The following WDR43 variants were observed in gnomAD, a reference collection of about 807,000 sequenced individuals.
WDR43 encodes the protein WD repeat domain 43, also known as WD repeat-containing protein 43.
Under a neutral mutation model 91.4 loss-of-function variants are expected in WDR43, and 13 were observed. That is an observed-to-expected ratio of 0.14 (90% confidence interval 0.09 to 0.23). WDR43 has a LOEUF of 0.23. WDR43 is among the 10% of genes least tolerant of loss of function. The pLI is 1.00. For synonymous variants in WDR43, 331 were observed against 287.9 expected (o/e 1.15, Z -1.51); for missense variants, 780 against 809.4 (o/e 0.96, Z 0.44).
At chr2:28,910,188 G>C (rs1411310395) in intron 3 of WDR43, among the ~76,000 whole-genome samples, 1 of 152,168 alleles carries the variant, frequency 6.6e-6, no homozygotes, top group Non-Finnish European at 1.5e-5. Context: ...GAGGGATTAG[G>C]GTGTGGGGAG....
intron 7 of WDR43, among the ~76,000 whole-genome samples, chr2:28,923,646 G>A (rs1256370987): frequency 6.6e-6 from 1 of 152,156 alleles, no homozygotes; most frequent in Non-Finnish European, 1.5e-5. Context: ...TGAAAAAAGT[G>A]TATACTCATT....
intron 16 of WDR43, among the ~76,000 whole-genome samples, chr2:28,944,199 TTAG>T (rs1218164141): frequency 6.6e-6 from 1 of 152,236 alleles, no homozygotes; most frequent in Non-Finnish European, 1.5e-5. Context: ...GCCATTCTAC[TTAG>T]TAGAATTTGT....
At chr2:28,932,712 ACTGT>A (rs1345794225) in intron 11 of WDR43, among the ~76,000 whole-genome samples, 1 of 152,200 alleles carries the variant, frequency 6.6e-6, no homozygotes, top group Non-Finnish European at 1.5e-5. Context: ...AGAGGTTAAT[ACTGT>A]CTGTCATAGA....
chr2:28,902,778 T>C (rs1216010138), intron 2 of WDR43, among the ~76,000 whole-genome samples: 1 of 152,152 alleles, frequency 6.6e-6, no homozygotes, highest in Non-Finnish European at 1.5e-5. Context: ...AGCTGGGAAA[T>C]CAGAAATCAG....
In WDR43 at chr2:28,947,864, GTTTTTTTTTTTT is replaced by G. The variant is rs11351588; in HGVS notation, c.*1099_*1110del. The G allele has an allele frequency of 5.0e-5, 5 of 99,600 alleles. No homozygotes were observed. The highest frequency in any genetic ancestry group is 2.0e-4 in the African/African-American group (5 of 25,208). The allele number at this position is 99,600 out of a possible 1,614,324, so 6.2% of individuals were successfully genotyped here. On this transcript the variant is annotated 3_prime_UTR_variant, in exon 18 of 18. Transcript: ENST00000407426. ...AAGCCTTTGCAAATTATCAGTAGTAGTTTTTTTTTTTTTTTTTTTTTTTTTAAAGAATGAGCC... is the reference window on the plus strand; with the variant it reads ...AAGCCTTTGCAAATTATCAGTAGTAGTTTTTTTTTTTTTAAAGAATGAGCC...
At chr2:28,898,160 A>G (rs1670515102) in intron 1 of WDR43, among the ~76,000 whole-genome samples, 1 of 152,220 alleles carries the variant, frequency 6.6e-6, no homozygotes, top group Admixed American at 6.5e-5. Context: ...CTTCTCTAAC[A>G]GACCTTGTCT....
intron 11 of WDR43, among the ~76,000 whole-genome samples, chr2:28,932,841 G>C (rs577683712): frequency 6.6e-6 from 1 of 152,168 alleles, no homozygotes; most frequent in East Asian, 1.9e-4. Context: ...ATCCATAGGG[G>C]ATATTTTTAA....
chr2:28,946,545 T>C, intron 17 of WDR43, 46 bp downstream of exon 17: 1 of 1,593,892 alleles, frequency 6.3e-7, no homozygotes, highest in Non-Finnish European at 8.6e-7. Context: ...TATATCCTCA[T>C]ACTCTGTAAG....
chr2:28,937,359 C>G (rs1049159538), intron 13 of WDR43, among the ~76,000 whole-genome samples: 4 of 151,870 alleles, frequency 2.6e-5, no homozygotes, highest in African/African-American at 9.7e-5. Context: ...TCTTAAAGAT[C>G]CTAAGCTTAT....
intron 9 of WDR43, chr2:28,927,349 C>A: frequency 1.8e-6 from 1 of 560,392 alleles, no homozygotes. Context: ...TCGGATTTTA[C>A]TCTTATGTGG....
chr2:28,913,830 G>C, intron 4 of WDR43: 1 of 663,490 alleles, frequency 1.5e-6, no homozygotes, highest in South Asian at 1.5e-5. Flanking sequence ...GGAGTGGTAG[G>C]GTCATGGGAG....
chr2:28,916,624 C>T (rs979845057), intron 5 of WDR43, among the ~76,000 whole-genome samples: 3 of 152,130 alleles, frequency 2.0e-5, no homozygotes, highest in African/African-American at 7.2e-5. Flanking sequence ...AACACCTACA[C>T]ACACCCACAC....
intron 3 of WDR43, among the ~76,000 whole-genome samples, chr2:28,911,039 C>G (rs34588907): frequency 0.15 from 22,497 of 150,680 alleles, 2,279 homozygotes; most frequent in Non-Finnish European, 0.22. Flanking sequence ...ATTTGTGGAG[C>G]AGAAGTTTTA....
chr2:28,924,496 C>T (rs371083283), intron 7 of WDR43, among the ~76,000 whole-genome samples: 1 of 152,012 alleles, frequency 6.6e-6, no homozygotes, highest in Non-Finnish European at 1.5e-5. Flanking sequence ...AAAACAGGTA[C>T]AAGTTGGGAG....
intron 14 of WDR43, among the ~76,000 whole-genome samples, chr2:28,940,657 A>G (rs561131138): frequency 1.1e-4 from 16 of 152,282 alleles, no homozygotes; most frequent in Admixed American, 3.9e-4. Context: ...AGGCATTTAA[A>G]TTTTTCCAGT....
At chr2:28,897,249 T>C (rs908316138) in intron 1 of WDR43, among the ~76,000 whole-genome samples, 7 of 152,202 alleles carry the variant, frequency 4.6e-5, no homozygotes, top group Non-Finnish European at 1.0e-4. Context: ...TATATTATGG[T>C]ATAAAATTAA....
intron 4 of WDR43, among the ~76,000 whole-genome samples, chr2:28,913,296 A>G (rs1670843869): frequency 6.6e-6 from 1 of 151,990 alleles, no homozygotes; most frequent in African/African-American, 2.4e-5. Flanking sequence ...TATATACACC[A>G]ACTATGTATC....
chr2:28,944,292 T>G (rs56354220), intron 16 of WDR43, among the ~76,000 whole-genome samples: 2 of 152,226 alleles, frequency 1.3e-5, no homozygotes, highest in Non-Finnish European at 2.9e-5. Flanking sequence ...TTTCATTAAA[T>G]TGATTTGTGT....
Position 28,914,216 on chromosome 2 carries a change from G to T in WDR43, c.746+8G>T, listed in dbSNP as rs931692654. On this transcript the variant is annotated splice_region_variant and intron_variant, in intron 5 of 17. Transcript: ENST00000407426. ...CCGGTTACTTAATGTCTGGTATGTA[G>T]TTCTTTTGGATTTGGGAGGTAGCAT... is the stretch of plus-strand genomic sequence containing the variant. 5 of 1,605,752 alleles carry T rather than the reference G, an allele frequency of 3.1e-6. No individual in the cohort carries two copies. In the African/African-American group the frequency reaches 4.0e-5, roughly 13 times the overall value.
Sources: allele counts gnomAD v4.1 joint callset (sites outside exome capture counted in the v4.1 genomes callset), GRCh38; gene constraint gnomAD v4.1.1; transcripts MANE v1.5; gene names NCBI Gene and HGNC (gene_info 2026-07-23, HGNC 2026-07-21).